The following SEZ6 variants were observed in gnomAD, a reference collection of about 807,000 sequenced individuals.
SEZ6 encodes the protein seizure related 6 homolog.
In SEZ6, 53 loss-of-function variants were observed where a neutral mutation model predicts 101.0. The ratio of observed to expected loss-of-function variants is 0.52; its 90% CI spans 0.42 to 0.66. The LOEUF (loss-of-function observed/expected upper bound fraction) is 0.66. SEZ6 is among the 30% of genes least tolerant of loss of function. SEZ6 has a pLI of 0.00. For missense variants in SEZ6, 1,102 were observed against 1,289.4 expected, an observed-to-expected ratio of 0.85 and a Z score of 2.23; for synonymous variants, 488 against 512.2, an observed-to-expected ratio of 0.95 and a Z score of 0.64.
At chr17:28,975,858 G>T (rs2041213597) in intron 3 of SEZ6, among the ~76,000 whole-genome samples, 1 of 152,246 alleles carries the variant, frequency 6.6e-6, no homozygotes, top group Non-Finnish European at 1.5e-5. Flanking sequence ...ATGGTACAGA[G>T]AGCAGCCAAG....
intron 3 of SEZ6, 150 bp downstream of exon 3, chr17:28,979,530 C>A (rs927652897): frequency 2.6e-5 from 31 of 1,180,882 alleles, no homozygotes; most frequent in Non-Finnish European, 3.7e-5. Context: ...AGAATCTAAC[C>A]ATTTAGGCCC....
Position 28,960,952 on chromosome 17 carries a change from C to T in SEZ6, c.1262G>A (p.Arg421His), listed in dbSNP as rs552702185. The change falls in exon 6 of 17, where the codon CGC (arginine) becomes CAC (histidine). Residue 421 changes from arginine (R) to histidine (H), a missense_variant. By Grantham distance (29) the Arg-to-His change is conservative. This residue lies in a region of SEZ6 where 556 missense variants were observed against 735.1 expected (regional missense o/e 0.76). Coordinates refer to ENST00000317338, the MANE Select transcript of SEZ6 (RefSeq NM_178860.5). Reference protein sequence around the residue: ...VCIAACGGVIRNATTGRIVSP... With the variant: ...VCIAACGGVIHNATTGRIVSP... The stretch of plus-strand genomic sequence containing the variant: ...GACGATGCGGCCGGTGGTGGCATTG[C>T]GGATCACTCCGCCGCAAGCAGCTGT... The T allele has an allele frequency of 2.4e-5, 38 of 1,613,378 alleles. No individual in the cohort carries two copies. The highest frequency in any genetic ancestry group is 1.6e-4 in the African/African-American group (12 of 75,018).
chr17:28,971,133 A>G (rs1489442148), intron 3 of SEZ6, among the ~76,000 whole-genome samples: 1 of 152,218 alleles, frequency 6.6e-6, no homozygotes, highest in Admixed American at 6.5e-5. Flanking sequence ...ATTGATTGGG[A>G]GCCCAGAAAT....
chr17:28,979,135 G>A (rs540311378), intron 3 of SEZ6, among the ~76,000 whole-genome samples: 2 of 152,158 alleles, frequency 1.3e-5, no homozygotes, highest in African/African-American at 2.4e-5. Context: ...TCAGGCCTCG[G>A]GATTAAGAGA....
rs1189552320 is a variant in SEZ6 at position 28,957,209 on chromosome 17, G to A, written c.2528C>T (p.Ala843Val). 17 of 1,614,030 alleles carry A rather than the reference G, an allele frequency of 1.1e-5. No homozygotes were observed. The highest frequency in any genetic ancestry group is 1.4e-5 in the Non-Finnish European group (17 of 1,179,886). ...EQLKPCHGLS[A>V]PENGARSPEK... ...AGGACTTCGGGCACCATTCTCAGGG[G>A]CACTGAGACCATGGCATGGCTTGAG... is the stretch of plus-strand genomic sequence containing the variant. Residue 843 changes from alanine to valine, a missense_variant, in exon 13 of 17, where the codon GCC becomes GTC. Ala to Val is a moderately conservative substitution (Grantham distance 64). Around this residue, in one of 3 missense-constraint regions of SEZ6, gnomAD observed 556 missense variants for 735.1 expected, o/e 0.76. Coordinates refer to ENST00000317338, the MANE Select transcript of SEZ6 (RefSeq NM_178860.5).
chr17:28,958,021 T>C lies in SEZ6; in HGVS notation c.2228A>G (p.Gln743Arg), dbSNP rs776788754. The C allele has an allele frequency of 6.2e-7, 1 of 1,613,986 alleles. No individual in the cohort carries two copies. The highest frequency in any genetic ancestry group is 1.1e-5 in the South Asian group (1 of 91,086). ...VVTYQCYPGY[Q>R]VVGSSVLMCQ... ...CATGAGGACACTGGATCCCACTACC[T>C]GGTAGCCAGGGTAGCACTGGTAAGT... Residue 743 changes from glutamine (Q) to arginine (R), a missense_variant, in exon 11 of 17, where the codon CAG (glutamine) becomes CGG (arginine). Around this residue, in one of 3 missense-constraint regions of SEZ6, gnomAD observed 556 missense variants for 735.1 expected, o/e 0.76. Coordinates refer to ENST00000317338, the MANE Select transcript of SEZ6 (RefSeq NM_178860.5).
chr17:28,957,011 C>G, intron 13 of SEZ6, 34 bp downstream of exon 13: 1 of 1,537,182 alleles, frequency 6.5e-7, no homozygotes, highest in South Asian at 1.3e-5. Flanking sequence ...CTCTATGGGC[C>G]AGGGAGGGTT....
chr17:28,985,748 G>T (rs2152690364), intron 1 of SEZ6, among the ~76,000 whole-genome samples: 1 of 152,330 alleles, frequency 6.6e-6, no homozygotes, highest in Middle Eastern at 3.4e-3. Flanking sequence ...GGCAGCATGT[G>T]TGACCCTGAG....
At position 28,955,228 on chromosome 17, in the gene SEZ6, T is replaced by C. The variant is rs1567978557; in HGVS notation, c.*734A>G. On this transcript the variant is annotated 3_prime_UTR_variant, in exon 17 of 17. Coordinates refer to ENST00000317338, the MANE Select transcript of SEZ6 (RefSeq NM_178860.5). Reference sequence around the variant, plus strand: ...TTAGGGTGAAGATGTTTGCAACAGCTAAATAAACATCGGAGGAAAGTCTCC... The same window carrying C: ...TTAGGGTGAAGATGTTTGCAACAGCCAAATAAACATCGGAGGAAAGTCTCC... 1 of 169,338 alleles carries C rather than the reference T, an allele frequency of 5.9e-6. No individual in the cohort carries two copies. Among genetic ancestry groups the C allele is most frequent in the African/African-American group, 2.4e-5 (1 of 41,760 alleles). 10.5% of individuals were successfully genotyped at this position (169,338 alleles called of 1,614,324 possible).
chr17:28,969,806 C>G lies in SEZ6; in HGVS notation c.1005G>C (p.Gln335His), dbSNP rs757713804. The G allele has an allele frequency of 5.3e-6, 8 of 1,516,212 alleles. No individual in the cohort carries two copies. Among genetic ancestry groups the G allele is most frequent in the South Asian group, 1.3e-5 (1 of 75,628 alleles). 93.9% of individuals were successfully genotyped at this position (1,516,212 alleles called of 1,614,324 possible). The change falls in exon 4 of 17, where the codon CAG (glutamine) becomes CAC (histidine). Residue 335 changes from glutamine (Q) to histidine (H), a missense_variant. Gln to His is a conservative substitution (Grantham distance 24, BLOSUM62 0). This residue lies in a region of SEZ6 where 556 missense variants were observed against 735.1 expected (regional missense o/e 0.76). Coordinates refer to ENST00000317338, the MANE Select transcript of SEZ6 (RefSeq NM_178860.5). The stretch of plus-strand genomic sequence containing the variant: ...CAGGGCCAGCCGGTGGCGGGAGGCT[C>G]TGGAACCTCAGGGCCGCTTGGTGGG... ...SPTHQAALRF[Q>H]SLPPPAGPGT...
Position 28,969,760 on chromosome 17 carries a change from G to A in SEZ6, c.1051C>T (p.Gln351Ter). Residue 351 changes from glutamine (Q) to a stop codon, truncating the protein, a stop_gained, in exon 4 of 17, where the codon CAA (glutamine) becomes TAA (stop). Transcript: ENST00000317338. LOFTEE classifies it high-confidence loss of function. The stretch of plus-strand genomic sequence containing the variant: ...CCTTCAACTACCCAGGCCTTACCTT[G>A]GTAATGGAAATGGAAGGTGCCAGGG... ...AGPGTFHFHYQAYLLSCHFPR... is the reference protein window; with the variant it reads ...AGPGTFHFHY 1 of 1,491,820 alleles carries A rather than the reference G, an allele frequency of 6.7e-7. No individual in the cohort carries two copies. The highest frequency in any genetic ancestry group is 8.9e-7 in the Non-Finnish European group (1 of 1,128,192). The allele number at this position is 1,491,820 out of a possible 1,614,324, so 92.4% of individuals were successfully genotyped here.
At chr17:28,972,817 G>C (rs1482587369) in intron 3 of SEZ6, among the ~76,000 whole-genome samples, 1 of 152,188 alleles carries the variant, frequency 6.6e-6, no homozygotes, top group Non-Finnish European at 1.5e-5. Flanking sequence ...GAATCCTCGG[G>C]GGGAGAGCGA....
intron 4 of SEZ6, among the ~76,000 whole-genome samples, chr17:28,968,761 G>A (rs1027770491): frequency 2.0e-5 from 3 of 152,168 alleles, no homozygotes; most frequent in South Asian, 2.1e-4. Context: ...GCAGGACTGC[G>A]GAAGTGGTCC....
Position 28,958,062 on chromosome 17 carries a change from C to T in SEZ6, c.2187G>A (p.Val729=). ...ACTGGTAAGTGACCACGGTGCCGTG[C>T]ACTAGCTCAGGCTGCGATGGGCTCT... ...GWKSPSQPEL[V]HGTVVTYQCY... Residue 729 remains valine (V), a synonymous_variant, in exon 11 of 17, where the codon GTG becomes GTA. Coordinates refer to ENST00000317338, the MANE Select transcript of SEZ6 (RefSeq NM_178860.5). The T allele has an allele frequency of 6.2e-7, 1 of 1,613,508 alleles. No homozygotes were observed. Among genetic ancestry groups the T allele is most frequent in the South Asian group, 1.1e-5 (1 of 91,076 alleles).
At chr17:28,968,742 T>TGGTCCCCTGC (rs937736722) in intron 4 of SEZ6, among the ~76,000 whole-genome samples, 3 of 152,198 alleles carry the variant, frequency 2.0e-5, no homozygotes, top group African/African-American at 7.2e-5. Context: ...TGCCCGGCTG[T>TGGTCCCCTGC]GGTCCCCTGC....
intron 4 of SEZ6, among the ~76,000 whole-genome samples, chr17:28,968,664 G>A (rs983651366): frequency 6.6e-6 from 1 of 152,176 alleles, no homozygotes; most frequent in Admixed American, 6.6e-5. Context: ...GGGTGGAGGG[G>A]TGAGGGTAGG....
At chr17:28,987,382 C>T (rs2041398830) in intron 1 of SEZ6, among the ~76,000 whole-genome samples, 2 of 152,146 alleles carry the variant, frequency 1.3e-5, no homozygotes, top group Admixed American at 1.3e-4. Flanking sequence ...CTGTGAGGCC[C>T]CAGCTAGAGG....
intron 4 of SEZ6, among the ~76,000 whole-genome samples, chr17:28,969,318 C>T (rs1334489194): frequency 6.6e-6 from 1 of 152,214 alleles, no homozygotes; most frequent in Non-Finnish European, 1.5e-5. Flanking sequence ...GACCTTCACC[C>T]TCTTGCATTT....
At position 28,957,061 on chromosome 17, in the gene SEZ6, T is replaced by TG. The variant is rs1382264709; in HGVS notation, c.2675dup (p.Pro893ThrfsTer4). 7 of 1,597,318 alleles carry TG rather than the reference T, an allele frequency of 4.4e-6. No homozygotes were observed. The highest frequency in any genetic ancestry group is 1.1e-5 in the South Asian group (1 of 89,052). ...GGCACTCACCAGCCCTACAGATGGG[T>TG]GGGGGGTCACTCCAATGCGAGGGGT... On this transcript the variant is annotated frameshift_variant, in exon 13 of 17. Transcript: ENST00000317338. LOFTEE classifies it high-confidence loss of function.
Sources: gnomAD v4.1 joint callset for allele counts (sites outside exome capture counted in the v4.1 genomes callset) on GRCh38, gnomAD v4.1.1 for gene constraint, gnomAD v4.1.1 regional missense constraint, MANE v1.5 for transcripts, NCBI Gene and HGNC (gene_info 2026-07-23, HGNC 2026-07-21) for gene names.